Variants in UBAP1 observed in about 807,000 individuals in gnomAD.
The protein encoded by UBAP1 is ubiquitin-associated protein 1.
Under a neutral mutation model 39.0 loss-of-function variants are expected in UBAP1, and 5 were observed. That is an observed-to-expected ratio of 0.13 (90% CI 0.07 to 0.27). UBAP1 has a LOEUF of 0.27. Among genes scored for constraint, UBAP1 ranks in the 10% least tolerant of loss-of-function variants. The pLI is 1.00. For synonymous variants in UBAP1, 211 were observed against 225.1 expected, an observed-to-expected ratio of 0.94 and a Z score of 0.56; for missense variants, 490 against 608.1, an observed-to-expected ratio of 0.81 and a Z score of 2.04.
At chr9:34,237,791 C>G (rs1288643500) in intron 3 of UBAP1, among the ~76,000 whole-genome samples, 1 of 152,164 alleles carries the variant, frequency 6.6e-6, no homozygotes, top group Admixed American at 6.5e-5. Flanking sequence ...TGGTCTTGAG[C>G]TCCTGGCCTC....
chr9:34,187,870 T>C (rs1830491656), intron 1 of UBAP1, among the ~76,000 whole-genome samples: 1 of 151,922 alleles, frequency 6.6e-6, no homozygotes, highest in Admixed American at 6.6e-5. Flanking sequence ...TGGACTTGTG[T>C]GTCTCCTATC....
At chr9:34,251,273 G>C in intron 6 of UBAP1, 119 bp from the exon 7 acceptor site, 1 of 1,128,104 alleles carries the variant, frequency 8.9e-7, no homozygotes, top group East Asian at 2.4e-5. Flanking sequence ...ACGGGGCTCT[G>C]GGGGAAGGAT....
chr9:34,183,186 A>G (rs1830186424), intron 1 of UBAP1, among the ~76,000 whole-genome samples: 1 of 152,160 alleles, frequency 6.6e-6, no homozygotes, highest in South Asian at 2.1e-4. Flanking sequence ...TTCATCATTT[A>G]TCAGGTGGTT....
intron 1 of UBAP1, among the ~76,000 whole-genome samples, chr9:34,181,992 G>T (rs1830065582): frequency 6.7e-6 from 1 of 148,598 alleles, no homozygotes; most frequent in African/African-American, 2.5e-5. Flanking sequence ...TAGAGAAGGG[G>T]TCTCTTATGT....
At chr9:34,250,586 G>C in intron 5 of UBAP1, 72 bp from the exon 6 acceptor site, 1 of 1,256,298 alleles carries the variant, frequency 8.0e-7, no homozygotes, top group Non-Finnish European at 1.1e-6. Context: ...TCACACACTA[G>C]TTTGTTGAGG....
At chr9:34,238,001 T>C (rs1202506682) in intron 3 of UBAP1, among the ~76,000 whole-genome samples, 3 of 152,208 alleles carry the variant, frequency 2.0e-5, no homozygotes, top group Non-Finnish European at 2.9e-5. Flanking sequence ...CCACTAGAAG[T>C]CACTCCCCAC....
intron 1 of UBAP1, among the ~76,000 whole-genome samples, chr9:34,183,802 C>T (rs1347405867): frequency 2.0e-5 from 3 of 147,096 alleles, no homozygotes; most frequent in Admixed American, 1.4e-4. Flanking sequence ...CGGAGCTTTG[C>T]TCTTGTTGCC....
intron 1 of UBAP1, among the ~76,000 whole-genome samples, chr9:34,213,187 C>G (rs1051154392): frequency 6.6e-6 from 1 of 152,086 alleles, no homozygotes; most frequent in Admixed American, 6.6e-5. Context: ...AATCAGCATA[C>G]GAGGGACATA....
chr9:34,196,436 C>T (rs1157737546), intron 1 of UBAP1, among the ~76,000 whole-genome samples: 2 of 151,818 alleles, frequency 1.3e-5, no homozygotes, highest in African/African-American at 4.8e-5. Flanking sequence ...CTGCCTCAGC[C>T]TCCCGAGTAG....
chr9:34,224,206 CTCT>C (rs1427565787), intron 2 of UBAP1: 79 of 520,236 alleles, frequency 1.5e-4, no homozygotes, highest in Middle Eastern at 1.1e-3. Context: ...TGTTTAAAAT[CTCT>C]TCTTCCTCAG....
At chr9:34,179,793 C>G (rs1829911459) in intron 1 of UBAP1, among the ~76,000 whole-genome samples, 1 of 152,040 alleles carries the variant, frequency 6.6e-6, no homozygotes, top group Non-Finnish European at 1.5e-5. Flanking sequence ...TGGAGGCTTA[C>G]CTATACAGTC....
At chr9:34,188,982 T>G (rs996402121) in intron 1 of UBAP1, among the ~76,000 whole-genome samples, 3 of 151,934 alleles carry the variant, frequency 2.0e-5, no homozygotes, top group African/African-American at 7.2e-5. Flanking sequence ...TAAAAAAGAT[T>G]AGGCTGGCTT....
In UBAP1 at chr9:34,201,962, T is replaced by A. The variant is rs186930751; in HGVS notation, c.-7-18946T>A. Among the ~76,000 whole-genome samples the A allele has an allele frequency of 1.1e-3, 169 of 152,232 alleles. 1 individual carries two copies. Among genetic ancestry groups the A allele is most frequent in the African/African-American group, 3.4e-3 (141 of 41,534 alleles). On this transcript the variant is annotated intron_variant, in intron 1 of 6. Transcript: ENST00000297661. The stretch of plus-strand genomic sequence containing the variant: ...TTTACTGGTTTATTCTAAAGGCGAT[T>A]GCAAAGTATACAGATGAAGAGATTT...
chr9:34,243,063 C>T (rs894898555), intron 4 of UBAP1, among the ~76,000 whole-genome samples: 1 of 152,042 alleles, frequency 6.6e-6, no homozygotes, highest in South Asian at 2.1e-4. Flanking sequence ...CTTCCATAAA[C>T]CTTGGCCCGG....
At chr9:34,217,286 G>T (rs563079863) in intron 1 of UBAP1, among the ~76,000 whole-genome samples, 14 of 152,228 alleles carry the variant, frequency 9.2e-5, no homozygotes, top group Middle Eastern at 3.4e-3. Flanking sequence ...GCCCAAGCTG[G>T]AGTGCAGTGG....
intron 1 of UBAP1, among the ~76,000 whole-genome samples, chr9:34,190,633 CTTT>C (rs563281159): frequency 8.5e-5 from 11 of 129,444 alleles, no homozygotes; most frequent in Non-Finnish European, 8.3e-5. Context: ...TTCTTTCTTT[CTTT>C]TTTTTTTTTT....
chr9:34,193,114 T>C, intron 1 of UBAP1, among the ~76,000 whole-genome samples: 1 of 151,940 alleles, frequency 6.6e-6, no homozygotes, highest in East Asian at 1.9e-4. Flanking sequence ...TGAGAACAGC[T>C]TGGCCAATGT....
At chr9:34,192,117 T>C (rs989411264) in intron 1 of UBAP1, among the ~76,000 whole-genome samples, 3 of 152,060 alleles carry the variant, frequency 2.0e-5, no homozygotes, top group Admixed American at 2.0e-4. Context: ...GTACTGGGAT[T>C]ACAGGCATGA....
At chr9:34,220,848 A>G (rs762870865) in intron 1 of UBAP1, 60 bp from the exon 2 acceptor site, 11 of 1,511,634 alleles carry the variant, frequency 7.3e-6, no homozygotes, top group East Asian at 6.8e-5. Flanking sequence ...TGTACTCTCA[A>G]TTTTCTTCGT....
Sources: gnomAD v4.1 joint callset for allele counts (sites outside exome capture counted in the v4.1 genomes callset) on GRCh38, gnomAD v4.1.1 for gene constraint, MANE v1.5 for transcripts, NCBI Gene and HGNC (gene_info 2026-07-23, HGNC 2026-07-21) for gene names.